The following SGCZ variants were observed in gnomAD, a reference collection of about 807,000 sequenced individuals.
SGCZ encodes sarcoglycan zeta.
SGCZ carries 40 observed loss-of-function variants against 41.3 expected under a neutral mutation model. The observed-to-expected ratio is 0.97, with a 90% CI of 0.75 to 1.26. SGCZ has a LOEUF of 1.26. Ranked by LOEUF, SGCZ falls within the 50% of genes most tolerant of loss-of-function variation. SGCZ has a pLI of 0.00. For synonymous variants in SGCZ, 206 were observed against 137.5 expected (o/e 1.50, Z -3.49); for missense variants, 552 against 369.8 (o/e 1.49, Z -4.04).
intron 1 of SGCZ, among the ~76,000 whole-genome samples, chr8:15,001,728 C>CAA (rs1223307583): frequency 0.011 from 840 of 76,422 alleles, 2 homozygotes; most frequent in Non-Finnish European, 0.015. Context: ...GACTCCGTCT[C>CAA]AAAAAAAAAA....
intron 2 of SGCZ, among the ~76,000 whole-genome samples, chr8:14,450,234 T>C (rs763597610): frequency 2.6e-5 from 4 of 152,202 alleles, no homozygotes; most frequent in Non-Finnish European, 4.4e-5. Flanking sequence ...CTTAATTCTC[T>C]GTCAGTGAGT....
intron 2 of SGCZ, among the ~76,000 whole-genome samples, chr8:14,522,604 G>A (rs1267936336): frequency 2.6e-5 from 4 of 151,224 alleles, no homozygotes; most frequent in Non-Finnish European, 5.9e-5. Flanking sequence ...TTGTGTCTTC[G>A]CTCTCTCATT....
At chr8:15,051,343 T>A (rs1168104512) in intron 1 of SGCZ, among the ~76,000 whole-genome samples, 1 of 152,238 alleles carries the variant, frequency 6.6e-6, no homozygotes, top group Non-Finnish European at 1.5e-5. Flanking sequence ...CCTTGTTGTT[T>A]ATCTGTAGTT....
At chr8:15,082,615 T>C (rs191398363) in intron 1 of SGCZ, among the ~76,000 whole-genome samples, 3 of 152,178 alleles carry the variant, frequency 2.0e-5, no homozygotes, top group Admixed American at 2.0e-4. Flanking sequence ...TATAAAAACG[T>C]CCAGTGCAGA....
At chr8:15,076,236 C>A (rs904688381) in intron 1 of SGCZ, among the ~76,000 whole-genome samples, 2 of 152,002 alleles carry the variant, frequency 1.3e-5, no homozygotes, top group African/African-American at 2.4e-5. Flanking sequence ...TTTGTCAGGA[C>A]TTTTTGGAAA....
intron 1 of SGCZ, among the ~76,000 whole-genome samples, chr8:14,998,047 G>A (rs1314584186): frequency 6.6e-6 from 1 of 152,080 alleles, no homozygotes; most frequent in Non-Finnish European, 1.5e-5. Flanking sequence ...CCTCCCTTTT[G>A]TCAGAAACAT....
intron 3 of SGCZ, among the ~76,000 whole-genome samples, chr8:14,291,950 C>T (rs989908223): frequency 2.6e-5 from 4 of 152,046 alleles, no homozygotes; most frequent in Admixed American, 2.0e-4. Flanking sequence ...ATAACATATT[C>T]AGCCAGAAGA....
chr8:14,904,697 A>C (rs1358124378), intron 1 of SGCZ, among the ~76,000 whole-genome samples: 1 of 152,036 alleles, frequency 6.6e-6, no homozygotes, highest in Non-Finnish European at 1.5e-5. Context: ...CATTCTACTT[A>C]GAAAATATTC....
chr8:14,858,646 A>G (rs1803622040), intron 1 of SGCZ, among the ~76,000 whole-genome samples: 1 of 152,144 alleles, frequency 6.6e-6, no homozygotes, highest in Non-Finnish European at 1.5e-5. Flanking sequence ...AACCTTTCCT[A>G]CGTGGTTGCA....
chr8:14,468,047 C>A (rs7815726), intron 2 of SGCZ, among the ~76,000 whole-genome samples: 57,305 of 151,898 alleles, frequency 0.38, 11,918 homozygotes, highest in African/African-American at 0.56. Flanking sequence ...ATGGCAAAGA[C>A]ATGCTAAACA....
intron 2 of SGCZ, among the ~76,000 whole-genome samples, chr8:14,548,862 C>T (rs957049649): frequency 1.3e-5 from 2 of 152,064 alleles, no homozygotes; most frequent in Admixed American, 6.6e-5. Context: ...GATTTCAATT[C>T]TTAAATGAAG....
rs1348078545 is a variant in SGCZ, at chr8:14,853,408, G to C, written c.40-298482C>G. The stretch of plus-strand genomic sequence containing the variant: ...GGACCTACGCTGGATGGATACCCAA[G>C]GTCTCATGAGGTAAAGGCTAGGACA... On this transcript the variant is annotated intron_variant, in intron 1 of 7. Coordinates refer to ENST00000382080, the MANE Select transcript of SGCZ (RefSeq NM_139167.4). The C allele has an allele frequency of 5.7e-6, 3 of 524,896 alleles. No individual in the cohort carries two copies. The African/African-American group carries it at 5.8e-5, about 10-fold the overall frequency. 32.5% of individuals were successfully genotyped at this position (524,896 alleles called of 1,614,324 possible). A position where few individuals can be genotyped will look rare whatever the true frequency, so the allele number is the denominator to read the frequency against.
chr8:14,279,483 G>T (rs1800347439), intron 3 of SGCZ, among the ~76,000 whole-genome samples: 1 of 151,700 alleles, frequency 6.6e-6, no homozygotes, highest in South Asian at 2.1e-4. Flanking sequence ...AAGATAACCA[G>T]CATTCAGTGG....
chr8:14,103,557 C>T (rs1802103242), intron 6 of SGCZ, among the ~76,000 whole-genome samples: 1 of 152,134 alleles, frequency 6.6e-6, no homozygotes. Context: ...TGGAGTTCAG[C>T]TCCCTCTCAG....
At chr8:14,498,070 A>C (rs1357471880) in intron 2 of SGCZ, among the ~76,000 whole-genome samples, 1 of 152,150 alleles carries the variant, frequency 6.6e-6, no homozygotes, top group African/African-American at 2.4e-5. Flanking sequence ...CAGAGTGCTG[A>C]TATCATATTG....
At chr8:14,121,704 G>T (rs1301905275) in intron 5 of SGCZ, among the ~76,000 whole-genome samples, 1 of 152,064 alleles carries the variant, frequency 6.6e-6, no homozygotes, top group Admixed American at 6.6e-5. Flanking sequence ...CTCTAATAGA[G>T]TAACATTAAA....
chr8:14,555,030 A>G, intron 1 of SGCZ, 104 bp from the exon 2 acceptor site: 1 of 1,029,676 alleles, frequency 9.7e-7, no homozygotes, highest in Non-Finnish European at 1.4e-6. Context: ...GTACGTTAAA[A>G]TAATTGGCAG....
At chr8:14,477,305 A>T (rs1801389730) in intron 2 of SGCZ, among the ~76,000 whole-genome samples, 1 of 152,184 alleles carries the variant, frequency 6.6e-6, no homozygotes, top group Non-Finnish European at 1.5e-5. Flanking sequence ...AAAACCCTTT[A>T]AAACCAACTT....
At chr8:15,231,012 G>A (rs947710655) in intron 1 of SGCZ, among the ~76,000 whole-genome samples, 3 of 152,158 alleles carry the variant, frequency 2.0e-5, no homozygotes, top group Non-Finnish European at 4.4e-5. Flanking sequence ...AACCAGATCA[G>A]CACCTTTTCC....
Sources: allele counts gnomAD v4.1 joint callset (sites outside exome capture counted in the v4.1 genomes callset), GRCh38; gene constraint gnomAD v4.1.1; transcripts MANE v1.5; gene names NCBI Gene and HGNC (gene_info 2026-07-23, HGNC 2026-07-21).